SERPINA1: variants seen among roughly 807,000 people sequenced by gnomAD.
The protein encoded by SERPINA1 is alpha-1-antitrypsin.
SERPINA1 carries 21 observed loss-of-function variants against 25.4 expected under a neutral mutation model. The ratio of observed to expected loss-of-function variants is 0.83; its 90% CI spans 0.59 to 1.19. SERPINA1 has a LOEUF of 1.19. Ranked by LOEUF, SERPINA1 falls within the 50% of genes most tolerant of loss-of-function variation. SERPINA1 has a pLI of 0.00. For synonymous variants in SERPINA1, 218 were observed against 211.1 expected (o/e 1.03, Z -0.29); for missense variants, 546 against 509.0 (o/e 1.07, Z -0.70).
chr14:94,379,282 C>T, intron 4 of SERPINA1, 182 bp downstream of exon 4: 1 of 861,120 alleles, frequency 1.2e-6, no homozygotes, highest in South Asian at 1.5e-5. Flanking sequence ...CAGCAGTCCC[C>T]TGCCTGGCTT....
At chr14:94,385,894 CT>C (rs1449261954) in intron 1 of SERPINA1, among the ~76,000 whole-genome samples, 2 of 152,102 alleles carry the variant, frequency 1.3e-5, no homozygotes, top group Non-Finnish European at 2.9e-5. Flanking sequence ...GGGTCAGGGC[CT>C]TGTTGAGGCT....
intron 1 of SERPINA1, among the ~76,000 whole-genome samples, chr14:94,385,097 C>T (rs1206829745): frequency 6.6e-6 from 1 of 152,234 alleles, no homozygotes; most frequent in Non-Finnish European, 1.5e-5. Flanking sequence ...TGGAAATTCC[C>T]CCATCATTAC....
Position 94,379,472 on chromosome 14 carries a change from G to T in SERPINA1, c.1057C>A (p.Leu353Ile). The stretch of plus-strand genomic sequence containing the variant: ...CGTCAGGGTGATCTCACCTTGGAGA[G>T]CTTCAGGGGTGCCTCCTCTGTGACC... The part of the protein sequence containing the change: ...SGVTEEAPLK[L>I]SKAVHKAVLT... The change falls in exon 4 of 5, where the codon CTC becomes ATC. Residue 353 changes from leucine to isoleucine, a missense_variant. By Grantham distance (5) the Leu-to-Ile change is conservative. Transcript: ENST00000393087. 1.2e-6 allele frequency: 2 copies of T among 1,614,232 alleles called. No individual in the cohort carries two copies. Among genetic ancestry groups the T allele is most frequent in the Non-Finnish European group, 1.7e-6 (2 of 1,180,052 alleles).
At chr14:94,383,364 G>A in intron 1 of SERPINA1, 123 bp from the exon 2 acceptor site, 1 of 970,824 alleles carries the variant, frequency 1.0e-6, no homozygotes, top group Non-Finnish European at 1.5e-6. Context: ...CCAAGTACTT[G>A]CCGACATCAG....
At chr14:94,385,263 C>A (rs1268953089) in intron 1 of SERPINA1, among the ~76,000 whole-genome samples, 1 of 152,234 alleles carries the variant, frequency 6.6e-6, no homozygotes, top group Non-Finnish European at 1.5e-5. Flanking sequence ...TGGGGCCTCA[C>A]TCTCCCCAGT....
intron 1 of SERPINA1, among the ~76,000 whole-genome samples, chr14:94,386,772 T>C (rs1432769773): frequency 1.3e-5 from 2 of 152,170 alleles, no homozygotes; most frequent in East Asian, 1.9e-4. Flanking sequence ...CATTAAATTA[T>C]CCAACTGTTT....
intron 2 of SERPINA1, among the ~76,000 whole-genome samples, chr14:94,381,891 C>T (rs527588367): frequency 1.3e-5 from 2 of 152,012 alleles, no homozygotes; most frequent in African/African-American, 4.8e-5. Context: ...GGCCTTGCCT[C>T]CCACCTCCCC....
Position 94,378,149 on chromosome 14 carries a change from A to T in SERPINA1, c.*300T>A, listed in dbSNP as rs1237358882. On this transcript the variant is annotated 3_prime_UTR_variant, in exon 5 of 5. Transcript: ENST00000393087. ...TGGGGACTCCAAGACAGGACAAGGA[A>T]GACTGGAGCCCTCCAGAAACAGATG... 4.3e-6 allele frequency: 2 copies of T among 466,784 alleles called. No individual in the cohort carries two copies. Among genetic ancestry groups the T allele is most frequent in the Non-Finnish European group, 7.8e-6 (2 of 256,818 alleles). 28.9% of individuals were successfully genotyped at this position (466,784 alleles called of 1,614,324 possible).
chr14:94,390,115 T>G (rs1177715656), upstream of SERPINA1, among the ~76,000 whole-genome samples: 1 of 152,102 alleles, frequency 6.6e-6, no homozygotes, highest in Non-Finnish European at 1.5e-5. Flanking sequence ...TCTCATTCAG[T>G]TACCCTGTGA....
rs886044322 is a variant in SERPINA1 at position 94,382,904 on chromosome 14, G to A, written c.334C>T (p.Pro112Ser). The A allele has an allele frequency of 1.2e-6, 2 of 1,613,284 alleles. No individual in the cohort carries two copies. The highest frequency in any genetic ancestry group is 2.7e-5 in the African/African-American group (2 of 74,888). The change falls in exon 2 of 5, where the codon CCG (proline) becomes TCG (serine). Residue 112 changes from proline (P) to serine (S), a missense_variant. Physicochemically the swap from Pro to Ser is moderately conservative, Grantham distance 74 (BLOSUM62 -1). Transcript: ENST00000393087. The part of the protein sequence containing the change: ...EGLNFNLTEI[P>S]EAQIHEGFQE... Reference sequence around the variant, plus strand: ...AAGCCTTCATGGATCTGAGCCTCCGGAATCTCCGTGAGGTTGAAATTCAGG... The same window carrying A: ...AAGCCTTCATGGATCTGAGCCTCCGAAATCTCCGTGAGGTTGAAATTCAGG...
chr14:94,378,732 C>G (rs960136732), intron 4 of SERPINA1, 92 bp from the exon 5 acceptor site: 7 of 1,260,916 alleles, frequency 5.6e-6, no homozygotes, highest in Non-Finnish European at 6.5e-6. Context: ...CGCTCACTCC[C>G]CCTGGACGGC....
At chr14:94,379,324 C>CGTG (rs1185471839) in intron 4 of SERPINA1, 140 bp downstream of exon 4, 1 of 1,269,968 alleles carries the variant, frequency 7.9e-7, no homozygotes, top group East Asian at 2.3e-5. Flanking sequence ...GTCAGTGAAT[C>CGTG]ACGGGCATCT....
At chr14:94,380,849 C>A in intron 3 of SERPINA1, 22 bp downstream of exon 3, 1 of 1,614,186 alleles carries the variant, frequency 6.2e-7, no homozygotes, top group South Asian at 1.1e-5. Flanking sequence ...GCTTCTTGGT[C>A]ACCCTCAGGT....
intron 1 of SERPINA1, among the ~76,000 whole-genome samples, chr14:94,386,085 G>T (rs1307143830): frequency 6.6e-6 from 1 of 152,120 alleles, no homozygotes; most frequent in Non-Finnish European, 1.5e-5. Flanking sequence ...ATAACATCAG[G>T]ACTCCAAAAC....
Position 94,388,579 on chromosome 14 carries a change from G to A in SERPINA1, c.-24C>T, listed in dbSNP as rs558127432. 6.6e-6 allele frequency: 1 copy of A among 152,438 alleles called. No individual in the cohort carries two copies. Among genetic ancestry groups the A allele is most frequent in the South Asian group, 2.1e-4 (1 of 4,828 alleles). 9.4% of individuals were successfully genotyped at this position (152,438 alleles called of 1,614,324 possible). A position where few individuals can be genotyped will look rare whatever the true frequency, so the allele number is the denominator to read the frequency against. On this transcript the variant is annotated 5_prime_UTR_variant, in exon 1 of 5. Transcript: ENST00000393087. Reference sequence around the variant, plus strand: ...ACTTACGATTCACTGTCCCAGGTCAGTGGTGGTGCCTGAAGCTGAGGAGAC... The same window carrying A: ...ACTTACGATTCACTGTCCCAGGTCAATGGTGGTGCCTGAAGCTGAGGAGAC...
chr14:94,381,230 G>T, intron 2 of SERPINA1, 89 bp from the exon 3 acceptor site: 1 of 1,307,172 alleles, frequency 7.7e-7, no homozygotes, highest in Non-Finnish European at 1.1e-6. Context: ...TCCCCTCCCT[G>T]AGAAGCCCTG....
Position 94,381,150 on chromosome 14 carries a change from A to AG in SERPINA1, c.647-10dup, listed in dbSNP as rs1566754498. On this transcript the variant is annotated splice_polypyrimidine_tract_variant and intron_variant, in intron 2 of 4. Coordinates refer to ENST00000393087, the MANE Select transcript of SERPINA1 (RefSeq NM_000295.5). ...GGGTCTCTCCCATTTGCCTGGAGAG[A>AG]GGGGAAGGTGGGCATCACCAGGGGT... is the stretch of plus-strand genomic sequence containing the variant. 1 of 1,610,288 alleles carries AG rather than the reference A, an allele frequency of 6.2e-7. No homozygotes were observed. The highest frequency in any genetic ancestry group is 8.5e-7 in the Non-Finnish European group (1 of 1,179,818).
rs1191769902 is a variant in SERPINA1, at chr14:94,382,976, G to C, written c.262C>G (p.Leu88Val). ...GTGTCAGCCTTGGTCCCCAGGGAGA[G>C]CATTGCAAAGGCTGTAGCGATGCTC... ...PVSIATAFAM[L>V]SLGTKADTHD... is the part of the protein sequence containing the mutation. The change falls in exon 2 of 5, where the codon CTC (leucine) becomes GTC (valine). Residue 88 changes from leucine to valine, a missense_variant. Coordinates refer to ENST00000393087, the MANE Select transcript of SERPINA1 (RefSeq NM_000295.5). 1 of 1,607,944 alleles carries C rather than the reference G, an allele frequency of 6.2e-7. No homozygotes were observed. Among genetic ancestry groups the C allele is most frequent in the Admixed American group, 1.7e-5 (1 of 59,828 alleles).
chr14:94,382,744 T>C lies in SERPINA1; in HGVS notation c.494A>G (p.Glu165Gly). 1 of 1,614,262 alleles carries C rather than the reference T, an allele frequency of 6.2e-7. No homozygotes were observed. The highest frequency in any genetic ancestry group is 2.2e-5 in the East Asian group (1 of 44,884). The change falls in exon 2 of 5, where the codon GAA (glutamate) becomes GGA (glycine). Residue 165 changes from glutamate to glycine, a missense_variant. Coordinates refer to ENST00000393087, the MANE Select transcript of SERPINA1 (RefSeq NM_000295.5). ...GTCCCCGAAGTTGACAGTGAAGGCT[T>C]CTGAGTGGTACAACTTTTTAACATC... ...LEDVKKLYHS[E>G]AFTVNFGDTE... is the part of the protein sequence containing the mutation.
Sources: allele counts gnomAD v4.1 joint callset (sites outside exome capture counted in the v4.1 genomes callset), GRCh38; gene constraint gnomAD v4.1.1; transcripts MANE v1.5; gene names NCBI Gene and HGNC (gene_info 2026-07-23, HGNC 2026-07-21).